USH2A: variants seen among roughly 807,000 people sequenced by gnomAD.
USH2A encodes usherin.
In USH2A, 443 loss-of-function variants were observed where a neutral mutation model predicts 538.9. That is an observed-to-expected ratio of 0.82 (90% CI 0.76 to 0.89). The LOEUF (loss-of-function observed/expected upper bound fraction) is 0.89, where lower values mean the gene tolerates loss of function less well. Ranked by LOEUF, USH2A falls within the 40% of genes least tolerant of loss-of-function variation. USH2A has a pLI of 0.00. For missense variants in USH2A, 6,633 were observed against 6,324.8 expected, an observed-to-expected ratio of 1.05 and a Z score of -1.65; for synonymous variants, 2,413 against 2,273.5, an observed-to-expected ratio of 1.06 and a Z score of -1.75.
At chr1:216,126,688 G>A (rs1332151655) in intron 21 of USH2A, among the ~76,000 whole-genome samples, 1 of 151,816 alleles carries the variant, frequency 6.6e-6, no homozygotes, top group Non-Finnish European at 1.5e-5. Flanking sequence ...CCTAATTTTT[G>A]CAATAATAAT....
At chr1:216,021,612 C>T (rs1208383952) in intron 32 of USH2A, among the ~76,000 whole-genome samples, 2 of 152,158 alleles carry the variant, frequency 1.3e-5, no homozygotes, top group Non-Finnish European at 2.9e-5. Flanking sequence ...GGATATCTAG[C>T]CTGCTAACAT....
At chr1:216,316,987 T>C (rs770522567) in intron 9 of USH2A, among the ~76,000 whole-genome samples, 1 of 152,234 alleles carries the variant, frequency 6.6e-6, no homozygotes, top group African/African-American at 2.4e-5. Context: ...ATTATACCTT[T>C]GTCAGATGGA....
intron 60 of USH2A, among the ~76,000 whole-genome samples, chr1:215,740,896 T>C (rs1185284972): frequency 2.6e-5 from 4 of 152,098 alleles, no homozygotes; most frequent in African/African-American, 4.8e-5. Flanking sequence ...CAGTTCACAA[T>C]AGGGTTTGGA....
intron 4 of USH2A, among the ~76,000 whole-genome samples, chr1:216,332,423 C>T (rs879924666): frequency 2.6e-5 from 4 of 152,212 alleles, no homozygotes; most frequent in Admixed American, 6.5e-5. Context: ...TGTCCATAAA[C>T]GCTTTGCAAA....
chr1:216,372,934 T>C (rs2038742217), intron 3 of USH2A, among the ~76,000 whole-genome samples: 1 of 152,186 alleles, frequency 6.6e-6, no homozygotes, highest in Non-Finnish European at 1.5e-5. Flanking sequence ...AGCTGTAAAA[T>C]ACCTTAGAAA....
chr1:216,024,894 G>C (rs1387632496), intron 32 of USH2A, among the ~76,000 whole-genome samples: 1 of 151,808 alleles, frequency 6.6e-6, no homozygotes, highest in African/African-American at 2.4e-5. Flanking sequence ...TATTGTTTCA[G>C]TCAATTACAA....
At chr1:216,049,950 C>T (rs1232635076) in intron 30 of USH2A, among the ~76,000 whole-genome samples, 1 of 152,156 alleles carries the variant, frequency 6.6e-6, no homozygotes, top group South Asian at 2.1e-4. Context: ...AGCAAGCCAA[C>T]GAACTAATAT....
At chr1:216,380,808 T>C (rs2038911092) in intron 3 of USH2A, among the ~76,000 whole-genome samples, 1 of 152,116 alleles carries the variant, frequency 6.6e-6, no homozygotes, top group Non-Finnish European at 1.5e-5. Context: ...ATTTAGAAAA[T>C]ATATGTAGCT....
chr1:215,801,444 C>G (rs1031429379), intron 49 of USH2A, among the ~76,000 whole-genome samples: 9 of 147,344 alleles, frequency 6.1e-5, no homozygotes, highest in Non-Finnish European at 9.0e-5. Context: ...AGCACAGTAT[C>G]AAGATACAAA....
chr1:215,749,356 A>G lies in USH2A; in HGVS notation c.11390-6021T>C, dbSNP rs150025623. Reference sequence around the variant, plus strand: ...AGATTTAAACATGGCTAGCCAAACCATGAGCATAGAAAATGTATTTTTCAC... The same window carrying G: ...AGATTTAAACATGGCTAGCCAAACCGTGAGCATAGAAAATGTATTTTTCAC... On this transcript the variant is annotated intron_variant, in intron 58 of 71. Transcript: ENST00000307340. Among the ~76,000 whole-genome samples the G allele has an allele frequency of 8.1e-3, 1,238 of 152,310 alleles. 24 individuals carry two copies. Among genetic ancestry groups the G allele is most frequent in the African/African-American group, 0.028 (1,172 of 41,564 alleles).
At chr1:215,633,776 C>T (rs1201167431) in intron 70 of USH2A, among the ~76,000 whole-genome samples, 1 of 152,190 alleles carries the variant, frequency 6.6e-6, no homozygotes, top group African/African-American at 2.4e-5. Flanking sequence ...TAGCCCCACA[C>T]CAGACTGCAC....
intron 52 of USH2A, among the ~76,000 whole-genome samples, chr1:215,785,498 T>C (rs1388875846): frequency 6.6e-6 from 1 of 152,188 alleles, no homozygotes; most frequent in Non-Finnish European, 1.5e-5. Context: ...ATTTATATGA[T>C]TGCTTTGTTG....
chr1:216,201,722 G>A (rs2035005427), intron 16 of USH2A: 1 of 217,034 alleles, frequency 4.6e-6, no homozygotes. Flanking sequence ...CTCAGGTGAG[G>A]GCCACTGTCT....
At chr1:216,293,310 C>T (rs1365965782) in intron 9 of USH2A, among the ~76,000 whole-genome samples, 3 of 152,192 alleles carry the variant, frequency 2.0e-5, no homozygotes, top group Non-Finnish European at 4.4e-5. Flanking sequence ...AGGCGTGAGC[C>T]ACCGCACCCG....
At chr1:216,339,454 C>T (rs1024874394) in intron 4 of USH2A, among the ~76,000 whole-genome samples, 4 of 151,578 alleles carry the variant, frequency 2.6e-5, no homozygotes, top group Non-Finnish European at 5.9e-5. Context: ...TAAGAACACA[C>T]ATGATAATGA....
intron 3 of USH2A, among the ~76,000 whole-genome samples, chr1:216,394,882 C>T (rs955753131): frequency 6.6e-6 from 1 of 151,828 alleles, no homozygotes; most frequent in African/African-American, 2.4e-5. Context: ...CCACGCCCGG[C>T]TAATTTTTTG....
At chr1:216,064,844 T>A (rs1254579650) in intron 30 of USH2A, among the ~76,000 whole-genome samples, 1 of 152,194 alleles carries the variant, frequency 6.6e-6, no homozygotes, top group Non-Finnish European at 1.5e-5. Context: ...GTAAGCACAT[T>A]GCAAGGTGAT....
At chr1:215,736,564 T>C (rs1660160210) in intron 60 of USH2A, among the ~76,000 whole-genome samples, 1 of 152,012 alleles carries the variant, frequency 6.6e-6, no homozygotes, top group Non-Finnish European at 1.5e-5. Context: ...AGTAGAGCCA[T>C]AAAAGTGCTG....
At chr1:216,083,425 A>G in intron 26 of USH2A, 31 bp downstream of exon 26, 4 of 1,603,054 alleles carry the variant, frequency 2.5e-6, no homozygotes, top group Non-Finnish European at 3.4e-6. Flanking sequence ...CCTATATTTT[A>G]AAGTAATTTT....
Sources: gnomAD v4.1 joint callset for allele counts (sites outside exome capture counted in the v4.1 genomes callset) on GRCh38, gnomAD v4.1.1 for gene constraint, MANE v1.5 for transcripts, NCBI Gene and HGNC (gene_info 2026-07-23, HGNC 2026-07-21) for gene names.